VPS13B: variants seen among roughly 807,000 people sequenced by gnomAD.
VPS13B encodes the protein intermembrane lipid transfer protein VPS13B.
Under a neutral mutation model 426.4 loss-of-function variants are expected in VPS13B, and 285 were observed. That is an observed-to-expected ratio of 0.67 (90% CI 0.61 to 0.74). VPS13B has a LOEUF of 0.74. VPS13B is among the 30% of genes least tolerant of loss of function. The pLI, the probability that VPS13B is intolerant of heterozygous loss-of-function variation, is 0.00. For synonymous variants in VPS13B, 1,676 were observed against 1,676.4 expected, an observed-to-expected ratio of 1.00 and a Z score of 0.01; for missense variants, 4,537 against 4,782.6, an observed-to-expected ratio of 0.95 and a Z score of 1.51.
chr8:99,835,077 G>T (rs1032437168), intron 52 of VPS13B, 120 bp from the exon 53 acceptor site: 5 of 1,264,698 alleles, frequency 4.0e-6, no homozygotes, highest in Admixed American at 1.8e-5. Context: ...TCTCCCCTGA[G>T]TTATAAAACA....
Position 99,645,819 on chromosome 8 carries a change from G to T in VPS13B, c.5908+3321G>T, listed in dbSNP as rs141926040. On this transcript the variant is annotated intron_variant, in intron 34 of 61. Transcript: ENST00000357162. ...GTGTTTTATATTTGTCCACTTGAAT[G>T]AATTGTCTAAGTCCCATTACCAATT... Among the ~76,000 whole-genome samples the T allele has an allele frequency of 2.6e-5, 4 of 152,278 alleles. No individual in the cohort carries two copies. The East Asian group carries it at 7.7e-4, about 29-fold the overall frequency.
intron 15 of VPS13B, among the ~76,000 whole-genome samples, chr8:99,161,025 T>C (rs1355748449): frequency 6.6e-6 from 1 of 152,182 alleles, no homozygotes; most frequent in Non-Finnish European, 1.5e-5. Context: ...TTGGGGCCAT[T>C]ATTTTAGTGA....
At chr8:99,704,197 A>T (rs1390615912) in intron 36 of VPS13B, among the ~76,000 whole-genome samples, 1 of 152,146 alleles carries the variant, frequency 6.6e-6, no homozygotes, top group Non-Finnish European at 1.5e-5. Context: ...TATCTTTTTG[A>T]ATAAACAAAA....
chr8:99,404,508 G>A (rs1454502589), intron 21 of VPS13B, among the ~76,000 whole-genome samples: 1 of 152,188 alleles, frequency 6.6e-6, no homozygotes, highest in Non-Finnish European at 1.5e-5. Context: ...AAGAGTGATA[G>A]TATTAAATGC....
intron 29 of VPS13B, among the ~76,000 whole-genome samples, chr8:99,516,524 C>T (rs567959350): frequency 5.8e-4 from 88 of 152,034 alleles, no homozygotes; most frequent in Middle Eastern, 3.4e-3. Flanking sequence ...CATGGTGGCT[C>T]ATGCCTGTAA....
chr8:99,218,416 T>C (rs1481309924), intron 17 of VPS13B, among the ~76,000 whole-genome samples: 1 of 152,152 alleles, frequency 6.6e-6, no homozygotes, highest in Non-Finnish European at 1.5e-5. Context: ...ACAGATGCAT[T>C]TGTTGACATT....
At chr8:99,081,793 A>G (rs1845478843) in intron 3 of VPS13B, among the ~76,000 whole-genome samples, 1 of 152,068 alleles carries the variant, frequency 6.6e-6, no homozygotes, top group Non-Finnish European at 1.5e-5. Flanking sequence ...ACATTAACTC[A>G]TCATTTTTTA....
intron 17 of VPS13B, among the ~76,000 whole-genome samples, chr8:99,261,149 C>T (rs1818018662): frequency 6.6e-6 from 1 of 151,990 alleles, no homozygotes; most frequent in African/African-American, 2.4e-5. Flanking sequence ...AAGTCCATAG[C>T]CTACTTTGGG....
intron 24 of VPS13B, among the ~76,000 whole-genome samples, chr8:99,475,279 A>G (rs1819630194): frequency 6.6e-6 from 1 of 152,188 alleles, no homozygotes; most frequent in South Asian, 2.1e-4. Flanking sequence ...GAAGATACAG[A>G]ACTGTTGTTT....
intron 21 of VPS13B, among the ~76,000 whole-genome samples, chr8:99,413,206 T>C (rs1235367429): frequency 6.6e-6 from 1 of 152,120 alleles, no homozygotes; most frequent in Non-Finnish European, 1.5e-5. Context: ...TTTTTGTTGG[T>C]AGGCTATTAA....
chr8:99,066,342 A>G (rs1487436989), intron 3 of VPS13B, among the ~76,000 whole-genome samples: 2 of 152,196 alleles, frequency 1.3e-5, no homozygotes, highest in Non-Finnish European at 2.9e-5. Context: ...CTCAGAAATA[A>G]CACCACACAT....
intron 3 of VPS13B, among the ~76,000 whole-genome samples, chr8:99,044,501 A>T (rs965864321): frequency 2.0e-5 from 3 of 151,604 alleles, no homozygotes; most frequent in Non-Finnish European, 4.4e-5. Flanking sequence ...TATCTTTTAA[A>T]TTTTTTTATT....
rs147242148 is a variant in VPS13B, at chr8:99,835,579, C to T, written c.9783C>T (p.Ser3261=). ...KFEVYCKKIP[S]ECSIHHELYH... Reference sequence around the variant, plus strand: ...AGGTTTATTGCAAAAAAATTCCCTCCGAGTGCTCAATTCATCATGAGCTGT... The same window carrying T: ...AGGTTTATTGCAAAAAAATTCCCTCTGAGTGCTCAATTCATCATGAGCTGT... Residue 3261 remains serine, a synonymous_variant, in exon 54 of 62, where the codon TCC becomes TCT. Coordinates refer to ENST00000357162, the MANE Select transcript of VPS13B (RefSeq NM_152564.5). 113 of 1,614,090 alleles carry T rather than the reference C, an allele frequency of 7.0e-5. No individual in the cohort carries two copies. In the African/African-American group the frequency reaches 9.5e-4, roughly 14 times the overall value.
intron 17 of VPS13B, among the ~76,000 whole-genome samples, chr8:99,237,425 G>C (rs1816703407): frequency 6.6e-6 from 1 of 152,104 alleles, no homozygotes; most frequent in African/African-American, 2.4e-5. Flanking sequence ...GGTAATAGTT[G>C]AGGGTTTTTG....
chr8:99,391,594 G>T lies in VPS13B; in HGVS notation c.2972G>T (p.Cys991Phe). Residue 991 changes from cysteine to phenylalanine, a missense_variant, in exon 21 of 62, where the codon TGT becomes TTT. Around this residue, in one of 2 missense-constraint regions of VPS13B, gnomAD observed 4,311 missense variants for 4,474.3 expected, o/e 0.96. Coordinates refer to ENST00000357162, the MANE Select transcript of VPS13B (RefSeq NM_152564.5). ...VVAVPLVMPV[C>F]RRKEDEVSIG... ...GCTGTTCCTCTTGTTATGCCAGTTT[G>T]TAGAAGGAAAGAGGATGAGGTGTCT... 6.2e-7 allele frequency: 1 copy of T among 1,614,188 alleles called. No individual in the cohort carries two copies.
rs2132125307 is a variant in VPS13B at position 99,013,795 on chromosome 8, G to A, written c.7G>A (p.Glu3Lys). The change falls in exon 2 of 62, where the codon GAG (glutamate) becomes AAG (lysine). Residue 3 changes from glutamate to lysine, a missense_variant. Transcript: ENST00000357162. ...CGACTCCTTACCTTAAAAGATGCTG[G>A]AGTCATATGTAACTCCAATTTTAAT... Reference protein sequence around the residue: MLESYVTPILMSY... With the variant: MLKSYVTPILMSY... The A allele has an allele frequency of 6.2e-7, 1 of 1,614,114 alleles. No homozygotes were observed. The highest frequency in any genetic ancestry group is 8.5e-7 in the Non-Finnish European group (1 of 1,180,016).
At chr8:99,552,564 T>C (rs2133755797) in intron 30 of VPS13B, among the ~76,000 whole-genome samples, 1 of 151,424 alleles carries the variant, frequency 6.6e-6, no homozygotes, top group South Asian at 2.1e-4. Context: ...GTGGGTTGGT[T>C]GGTTTTTATT....
intron 3 of VPS13B, among the ~76,000 whole-genome samples, chr8:99,085,769 A>G (rs1845744612): frequency 6.6e-6 from 1 of 152,168 alleles, no homozygotes; most frequent in African/African-American, 2.4e-5. Flanking sequence ...AGAACGTTGA[A>G]TATTGGCCCC....
At chr8:99,784,174 T>C in intron 42 of VPS13B, 141 bp from the exon 43 acceptor site, 1 of 1,008,460 alleles carries the variant, frequency 9.9e-7, no homozygotes, top group Non-Finnish European at 1.6e-6. Flanking sequence ...CCTGGCAGTA[T>C]AGAATACTTT....
Sources: gnomAD v4.1 joint callset for allele counts (sites outside exome capture counted in the v4.1 genomes callset) on GRCh38, gnomAD v4.1.1 for gene constraint, gnomAD v4.1.1 regional missense constraint, MANE v1.5 for transcripts, NCBI Gene and HGNC (gene_info 2026-07-23, HGNC 2026-07-21) for gene names.